Variants in COL6A2 observed in about 807,000 individuals in gnomAD.
The protein encoded by COL6A2 is collagen alpha-2(VI) chain.
COL6A2 carries 90 observed loss-of-function variants against 124.9 expected under a neutral mutation model. The observed-to-expected ratio is 0.72, with a 90% CI of 0.61 to 0.86. The LOEUF (loss-of-function observed/expected upper bound fraction) is 0.86. COL6A2 is among the 40% of genes least tolerant of loss of function. COL6A2 has a pLI of 0.00. For missense variants in COL6A2, 1,607 were observed against 1,502.5 expected (o/e 1.07, Z -1.15); for synonymous variants, 793 against 618.2 (o/e 1.28, Z -4.19).
At chr21:46,115,786 C>T in intron 5 of COL6A2, 86 bp from the exon 6 acceptor site, 1 of 1,216,944 alleles carries the variant, frequency 8.2e-7, no homozygotes, top group Non-Finnish European at 1.2e-6. Context: ...TCTGCTGTGT[C>T]ACCTCTCAGA....
chr21:46,101,847 ATTTTTTTTTTTTT>A (rs56083556), intron 1 of COL6A2, among the ~76,000 whole-genome samples: 6 of 71,504 alleles, frequency 8.4e-5, no homozygotes, highest in East Asian at 3.6e-4. Flanking sequence ...ATCTTTCACG[ATTTTTTTTTTTTT>A]TTTTTTTTTT....
In COL6A2 at chr21:46,120,540, G is replaced by A. The variant is rs878854386; in HGVS notation, c.1358G>A (p.Arg453His). The A allele has an allele frequency of 7.5e-5, 111 of 1,479,442 alleles. No individual in the cohort carries two copies. Among genetic ancestry groups the A allele is most frequent in the East Asian group, 1.0e-4 (4 of 39,420 alleles). The allele number at this position is 1,479,442 out of a possible 1,614,324, so 91.6% of individuals were successfully genotyped here. A position where few individuals can be genotyped will look rare whatever the true frequency, so the allele number is the denominator to read the frequency against. ...GGGGACCCTGGCCCTGAGGGGCCCC[G>A]CGGCCTGGCTGGAGAGGTTGGCAAC... is the stretch of plus-strand genomic sequence containing the variant. ...EKGDPGPEGPRGLAGEVGNKG... is the reference protein window; with the variant it reads ...EKGDPGPEGPHGLAGEVGNKG... The change falls in exon 16 of 28, where the codon CGC becomes CAC. Residue 453 changes from arginine (R) to histidine (H), a missense_variant. Arg to His is a conservative substitution (Grantham distance 29). Around this residue, in one of 3 missense-constraint regions of COL6A2, gnomAD observed 1,223 missense variants for 1,052.2 expected, o/e 1.16. Transcript: ENST00000300527.
intron 14 of COL6A2, among the ~76,000 whole-genome samples, 193 bp from the exon 15 acceptor site, chr21:46,119,595 G>A (rs951091327): frequency 1.3e-5 from 2 of 152,238 alleles, no homozygotes; most frequent in Non-Finnish European, 2.9e-5. Flanking sequence ...GCAGCAGAGG[G>A]ACGAGGGCTG....
intron 27 of COL6A2, among the ~76,000 whole-genome samples, chr21:46,127,630 C>T (rs1164569810): frequency 6.6e-6 from 1 of 152,164 alleles, no homozygotes; most frequent in Non-Finnish European, 1.5e-5. Context: ...ACCTTGGCTC[C>T]TCCACCCACC....
chr21:46,131,836 C>A, intron 27 of COL6A2, 118 bp from the exon 28 acceptor site: 1 of 972,596 alleles, frequency 1.0e-6, no homozygotes, highest in Middle Eastern at 3.1e-4. Flanking sequence ...CCCGCAGAGC[C>A]CAGTGGTCTG....
chr21:46,120,624 G>C (rs1240831443), intron 16 of COL6A2, 47 bp downstream of exon 16: 1 of 1,426,728 alleles, frequency 7.0e-7, no homozygotes, highest in African/African-American at 1.4e-5. Context: ...GATCTGAGGG[G>C]GTGCAGGGGG....
chr21:46,132,341 G>T lies in COL6A2; in HGVS notation c.2849G>T (p.Gly950Val). ...AELSFVFLTDGVTGNDSLHES... is the reference protein window; with the variant it reads ...AELSFVFLTDVVTGNDSLHES... ...CTGTCCTTCGTGTTCCTCACGGACG[G>T]CGTCACGGGCAACGACAGTCTGCAC... Residue 950 changes from glycine (G) to valine (V), a missense_variant, in exon 28 of 28, where the codon GGC (glycine) becomes GTC (valine). This residue lies in a region of COL6A2 where 1,223 missense variants were observed against 1,052.2 expected (regional missense o/e 1.16). Coordinates refer to ENST00000300527, the MANE Select transcript of COL6A2 (RefSeq NM_001849.4). The T allele has an allele frequency of 6.2e-7, 1 of 1,608,106 alleles. No homozygotes were observed.
chr21:46,123,066 C>G (rs1427679652), intron 21 of COL6A2, 129 bp downstream of exon 21: 1 of 914,108 alleles, frequency 1.1e-6, no homozygotes, highest in Admixed American at 1.9e-5. Flanking sequence ...GCACCACCCC[C>G]ACCTTCCTAA....
chr21:46,125,713 G>A (rs2078653036), intron 25 of COL6A2, 72 bp from the exon 26 acceptor site: 2 of 1,597,512 alleles, frequency 1.3e-6, no homozygotes, highest in Non-Finnish European at 1.7e-6. Context: ...CCTCCAACGA[G>A]GGCCTCTGCA....
intron 4 of COL6A2, 98 bp from the exon 5 acceptor site, chr21:46,113,910 C>G: frequency 1.0e-6 from 1 of 1,004,466 alleles, no homozygotes; most frequent in Non-Finnish European, 1.6e-6. Flanking sequence ...CTCCTTGGCC[C>G]CTGCTGAGAG....
intron 27 of COL6A2, among the ~76,000 whole-genome samples, chr21:46,130,556 G>A (rs796504167): frequency 3.6e-4 from 54 of 152,082 alleles, no homozygotes; most frequent in African/African-American, 1.2e-3. Flanking sequence ...GAGGAGGAGA[G>A]CAGAGTCCAC....
intron 15 of COL6A2, among the ~76,000 whole-genome samples, 185 bp downstream of exon 15, chr21:46,120,035 A>AAGCTCCACTACC (rs1482747257): frequency 5.6e-5 from 7 of 125,940 alleles, no homozygotes; most frequent in African/African-American, 1.6e-4. Flanking sequence ...TCTGCTGAGG[A>AAGCTCCACTACC]AGCTCCACTA....
chr21:46,117,282 C>A, intron 10 of COL6A2, 118 bp from the exon 11 acceptor site: 1 of 1,038,972 alleles, frequency 9.6e-7, no homozygotes, highest in Non-Finnish European at 1.5e-6. Flanking sequence ...CACCCGTGTG[C>A]CAGGAGGAGA....
At chr21:46,128,856 C>G in intron 27 of COL6A2, 1 of 1,527,850 alleles carries the variant, frequency 6.5e-7, no homozygotes, top group Non-Finnish European at 9.1e-7. Flanking sequence ...GGCGACGGGC[C>G]TGCGGCACTG....
chr21:46,101,662 C>T (rs551416144), intron 1 of COL6A2, among the ~76,000 whole-genome samples: 17 of 152,170 alleles, frequency 1.1e-4, no homozygotes, highest in Middle Eastern at 6.8e-3. Context: ...CTGTCTTTAT[C>T]GAATGGTCTT....
At chr21:46,124,765 C>T (rs1247595217) in intron 22 of COL6A2, 52 bp downstream of exon 22, 3 of 1,603,610 alleles carry the variant, frequency 1.9e-6, no homozygotes, top group Non-Finnish European at 2.6e-6. Context: ...CAGGCCAACA[C>T]ACACCCAAGC....
Position 46,125,582 on chromosome 21 carries a change from T to C in COL6A2, c.1934T>C (p.Leu645Pro). The C allele has an allele frequency of 6.2e-7, 1 of 1,607,418 alleles. No individual in the cohort carries two copies. Among genetic ancestry groups the C allele is most frequent in the Non-Finnish European group, 8.5e-7 (1 of 1,178,174 alleles). Residue 645 changes from leucine (L) to proline (P), a missense_variant, in exon 25 of 28, where the codon CTG (leucine) becomes CCG (proline). By Grantham distance (98) the Leu-to-Pro change is moderately conservative (BLOSUM62 -3). Transcript: ENST00000300527. ...KNFVINVVNR[L>P]GAIAKDPKSE... ...TTCGTCATCAACGTGGTCAACAGGC[T>C]GGGTGCCATCGCTAAGGACCCCAAG...
At chr21:46,117,376 T>G (rs200717261) in intron 10 of COL6A2, 24 bp from the exon 11 acceptor site, 64 of 1,611,364 alleles carry the variant, frequency 4.0e-5, no homozygotes, top group South Asian at 6.6e-5. Context: ...GCCCTGAGAC[T>G]CCTCCTGCCC....
At chr21:46,126,640 C>G in intron 27 of COL6A2, 99 bp downstream of exon 27, 1 of 1,472,662 alleles carries the variant, frequency 6.8e-7, no homozygotes, top group African/African-American at 1.4e-5. Context: ...CGTGCAGGGA[C>G]CCGGGGGGCG....
Sources: gnomAD v4.1 joint callset for allele counts (sites outside exome capture counted in the v4.1 genomes callset) on GRCh38, gnomAD v4.1.1 for gene constraint, gnomAD v4.1.1 regional missense constraint, MANE v1.5 for transcripts, NCBI Gene and HGNC (gene_info 2026-07-23, HGNC 2026-07-21) for gene names.